The following ZNF804B variants were observed in gnomAD, a reference collection of about 807,000 sequenced individuals.
ZNF804B encodes the protein zinc finger 804B.
In ZNF804B, 80 loss-of-function variants were observed where a neutral mutation model predicts 101.4. The observed-to-expected ratio is 0.79, with a 90% CI of 0.66 to 0.95. The LOEUF is 0.95. Ranked by LOEUF, ZNF804B falls within the 40% of genes least tolerant of loss-of-function variation. The probability of loss-of-function intolerance (pLI) is 0.00; values close to 1 mark genes in which losing one functional copy is unlikely to be tolerated. For missense variants in ZNF804B, 1,673 were observed against 1,561.9 expected (o/e 1.07, Z -1.20); for synonymous variants, 622 against 558.8 (o/e 1.11, Z -1.59).
chr7:89,023,849 C>T (rs1421277232), intron 1 of ZNF804B, among the ~76,000 whole-genome samples: 3 of 152,156 alleles, frequency 2.0e-5, no homozygotes, highest in Admixed American at 1.3e-4. Flanking sequence ...AGCACAACAT[C>T]ACTCTTGCCT....
intron 1 of ZNF804B, among the ~76,000 whole-genome samples, chr7:89,190,161 C>G (rs1205004485): frequency 6.6e-6 from 1 of 151,624 alleles, no homozygotes; most frequent in Admixed American, 6.6e-5. Context: ...GTGACGAAAC[C>G]CTATCTTTAC....
At chr7:89,159,551 G>A (rs1374803115) in intron 1 of ZNF804B, among the ~76,000 whole-genome samples, 5 of 152,202 alleles carry the variant, frequency 3.3e-5, no homozygotes, top group Non-Finnish European at 7.4e-5. Context: ...GTAAAGCATG[G>A]AACAGAGTGG....
chr7:88,990,389 C>T (rs73383152), intron 1 of ZNF804B, among the ~76,000 whole-genome samples: 4,415 of 152,092 alleles, frequency 0.029, 226 homozygotes, highest in African/African-American at 0.1. Flanking sequence ...CATACTTTCT[C>T]TCTCTCTGGA....
chr7:89,227,695 C>G (rs1422339532), intron 2 of ZNF804B, among the ~76,000 whole-genome samples: 1 of 152,014 alleles, frequency 6.6e-6, no homozygotes, highest in Non-Finnish European at 1.5e-5. Context: ...ACCCATAGAG[C>G]CATCTCTCTG....
At chr7:89,285,903 A>G (rs1483436414) in intron 2 of ZNF804B, among the ~76,000 whole-genome samples, 4 of 152,166 alleles carry the variant, frequency 2.6e-5, no homozygotes, top group African/African-American at 9.6e-5. Context: ...TGAGACAGCA[A>G]TACCAATCCC....
At chr7:89,190,527 A>T (rs1161397894) in intron 1 of ZNF804B, among the ~76,000 whole-genome samples, 5 of 152,118 alleles carry the variant, frequency 3.3e-5, no homozygotes, top group Non-Finnish European at 5.9e-5. Context: ...TGTTCAAATG[A>T]CAACAAATAA....
chr7:89,123,441 C>A (rs1425083032), intron 1 of ZNF804B, among the ~76,000 whole-genome samples: 2 of 151,996 alleles, frequency 1.3e-5, no homozygotes, highest in Non-Finnish European at 2.9e-5. Context: ...CACTGTAAAT[C>A]GATACCTTGA....
At chr7:88,779,431 C>G (rs1790191622) in intron 1 of ZNF804B, among the ~76,000 whole-genome samples, 1 of 152,166 alleles carries the variant, frequency 6.6e-6, no homozygotes, top group African/African-American at 2.4e-5. Context: ...CCGCTAGTAA[C>G]TCCTGTGAAT....
chr7:88,781,744 C>CAG (rs1367692344), intron 1 of ZNF804B, among the ~76,000 whole-genome samples: 1 of 152,050 alleles, frequency 6.6e-6, no homozygotes, highest in African/African-American at 2.4e-5. Flanking sequence ...GAGATTTGAA[C>CAG]ACAGATCCTC....
intron 2 of ZNF804B, among the ~76,000 whole-genome samples, chr7:89,243,329 T>C (rs1297944389): frequency 6.6e-6 from 1 of 151,652 alleles, no homozygotes; most frequent in African/African-American, 2.4e-5. Flanking sequence ...TCAGATAAAA[T>C]AGAAAGAAAT....
At chr7:88,815,371 T>C (rs1302650827) in intron 1 of ZNF804B, among the ~76,000 whole-genome samples, 8 of 142,928 alleles carry the variant, frequency 5.6e-5, no homozygotes, top group African/African-American at 1.8e-4. Flanking sequence ...CAGTACAGTT[T>C]TTCAAGTCAA....
chr7:88,775,559 T>A (rs1329415410), intron 1 of ZNF804B, among the ~76,000 whole-genome samples: 1 of 152,236 alleles, frequency 6.6e-6, no homozygotes, highest in Non-Finnish European at 1.5e-5. Flanking sequence ...TGTTGTTGTT[T>A]TTATTATTTG....
intron 1 of ZNF804B, among the ~76,000 whole-genome samples, chr7:88,865,806 C>G (rs1026169300): frequency 3.3e-5 from 5 of 152,128 alleles, no homozygotes; most frequent in African/African-American, 1.2e-4. Flanking sequence ...TTTTTTATGT[C>G]TTTGTAACTC....
chr7:89,012,303 C>T (rs1006569371), intron 1 of ZNF804B, among the ~76,000 whole-genome samples: 5 of 152,078 alleles, frequency 3.3e-5, no homozygotes, highest in Admixed American at 1.3e-4. Flanking sequence ...AGACTTCTGC[C>T]GTGCCACAGA....
intron 1 of ZNF804B, among the ~76,000 whole-genome samples, chr7:88,955,869 T>C (rs1173874442): frequency 1.3e-5 from 2 of 151,378 alleles, no homozygotes; most frequent in African/African-American, 2.4e-5. Context: ...GGGACTAATA[T>C]CCAGAATATA....
intron 1 of ZNF804B, among the ~76,000 whole-genome samples, chr7:89,066,731 T>C (rs1789460415): frequency 6.6e-6 from 1 of 151,782 alleles, no homozygotes. Flanking sequence ...ATAATAAAAA[T>C]ATTACATTCT....
intron 1 of ZNF804B, among the ~76,000 whole-genome samples, chr7:89,200,770 C>T (rs1010594425): frequency 2.0e-4 from 30 of 152,172 alleles, no homozygotes; most frequent in African/African-American, 6.5e-4. Context: ...TTGTACTTTA[C>T]AGCACCGCAA....
chr7:88,814,845 CCTTA>C (rs1260614076), intron 1 of ZNF804B, among the ~76,000 whole-genome samples: 5 of 151,456 alleles, frequency 3.3e-5, no homozygotes, highest in East Asian at 3.9e-4. Context: ...TTTTGTTTCC[CCTTA>C]CTTTTCTTTC....
At chr7:88,763,702 A>G (rs1789934203) in intron 1 of ZNF804B, among the ~76,000 whole-genome samples, 1 of 152,144 alleles carries the variant, frequency 6.6e-6, no homozygotes, top group Non-Finnish European at 1.5e-5. Flanking sequence ...TAATATGACT[A>G]CATGATGACT....
Sources: allele counts gnomAD v4.1 joint callset (sites outside exome capture counted in the v4.1 genomes callset), GRCh38; gene constraint gnomAD v4.1.1; transcripts MANE v1.5; gene names NCBI Gene and HGNC (gene_info 2026-07-23, HGNC 2026-07-21).